The following SYT14 variants were observed in gnomAD, a reference collection of about 807,000 sequenced individuals.
SYT14 encodes the protein synaptotagmin 14.
SYT14 carries 32 observed loss-of-function variants against 74.2 expected under a neutral mutation model. That is an observed-to-expected ratio of 0.43 (90% CI 0.33 to 0.58). SYT14 has a LOEUF of 0.58. Ranked by LOEUF, SYT14 falls within the 20% of genes least tolerant of loss-of-function variation. SYT14 has a pLI of 0.05. For synonymous variants in SYT14, 298 were observed against 337.7 expected, an observed-to-expected ratio of 0.88 and a Z score of 1.29; for missense variants, 791 against 981.8, an observed-to-expected ratio of 0.81 and a Z score of 2.60.
chr1:210,021,918 C>G (rs544544279), intron 5 of SYT14, among the ~76,000 whole-genome samples: 24 of 152,156 alleles, frequency 1.6e-4, no homozygotes, highest in Non-Finnish European at 2.9e-4. Context: ...TGTCAGTCCA[C>G]TTATTCATGT....
rs1572391091 is a variant in SYT14, at chr1:210,155,602, G to T, written c.2035-119G>T. ...GACAATAATTCTAATCTGGTGTTTG[G>T]TTTGCAACTCATCTTTATTGTGATT... On this transcript the variant is annotated intron_variant, in intron 7 of 9. Coordinates refer to ENST00000637265, the Ensembl canonical transcript of SYT14. 22 of 1,075,350 alleles carry T rather than the reference G, an allele frequency of 2.0e-5. No individual in the cohort carries two copies. In the East Asian group the frequency reaches 5.7e-4, roughly 28 times the overall value. The allele number at this position is 1,075,350 out of a possible 1,614,324, so 66.6% of individuals were successfully genotyped here.
At chr1:210,068,806 A>C (rs971149341) in intron 5 of SYT14, among the ~76,000 whole-genome samples, 10 of 151,542 alleles carry the variant, frequency 6.6e-5, no homozygotes, top group African/African-American at 1.7e-4. Flanking sequence ...TAAAAATTTT[A>C]TTCTATCTAC....
At chr1:210,098,240 C>A (rs377551790) in intron 6 of SYT14, among the ~76,000 whole-genome samples, 1 of 151,992 alleles carries the variant, frequency 6.6e-6, no homozygotes, top group Non-Finnish European at 1.5e-5. Context: ...AGCACTCTCC[C>A]GACCTAAAAT....
Position 209,973,087 on chromosome 1 carries a change from T to C in SYT14, c.-486+20331T>C, listed in dbSNP as rs151237345. ...CTTGTTTAATTGGACACTTTATCAT[T>C]ATGTAATGCATTTCTCTGTCCTTTT... On this transcript the variant is annotated intron_variant, in intron 2 of 9. Transcript: ENST00000637265. Among the ~76,000 whole-genome samples, 3 of 152,332 alleles carry C rather than the reference T, an allele frequency of 2.0e-5. No individual in the cohort carries two copies. The East Asian group carries it at 5.8e-4, about 29-fold the overall frequency.
At chr1:210,096,988 G>A (rs956543050) in intron 6 of SYT14, among the ~76,000 whole-genome samples, 3 of 152,140 alleles carry the variant, frequency 2.0e-5, no homozygotes, top group African/African-American at 7.2e-5. Flanking sequence ...AGTTTTGTCT[G>A]TATTTCAGAA....
chr1:210,061,164 C>T (rs2081201237), intron 5 of SYT14, among the ~76,000 whole-genome samples: 1 of 151,756 alleles, frequency 6.6e-6, no homozygotes, highest in African/African-American at 2.4e-5. Context: ...CTTCATATTA[C>T]TACACCTTGA....
chr1:210,008,738 C>A (rs2080033417), intron 2 of SYT14, among the ~76,000 whole-genome samples: 1 of 152,002 alleles, frequency 6.6e-6, no homozygotes, highest in South Asian at 2.1e-4. Flanking sequence ...AGTGGGTGGC[C>A]TAGAATGCTT....
rs1232382752 is a variant in SYT14 at position 210,155,753 on chromosome 1, G to T, written c.2067G>T (p.Met689Ile). ...ACTCCCAAATGAGCGTGTCAGAAAT[G>T]TCGTGTAGTGAAAGTACATCCTCAT... Residue 689 changes from methionine (M) to isoleucine (I), a missense_variant, in exon 8 of 10, where the codon ATG becomes ATT. Transcript: ENST00000637265. 1.9e-6 allele frequency: 3 copies of T among 1,613,940 alleles called. No individual in the cohort carries two copies. The East Asian group carries it at 6.7e-5, about 36-fold the overall frequency.
intron 5 of SYT14, among the ~76,000 whole-genome samples, chr1:210,089,492 A>G (rs1184997316): frequency 1.3e-5 from 2 of 152,136 alleles, no homozygotes; most frequent in African/African-American, 4.8e-5. Context: ...TTACACTCCC[A>G]CCAACAGTGT....
chr1:209,967,002 T>A (rs2079167687), intron 2 of SYT14, among the ~76,000 whole-genome samples: 1 of 148,728 alleles, frequency 6.7e-6, no homozygotes, highest in Non-Finnish European at 1.5e-5. Context: ...AACTCCCTTT[T>A]TATTCCTAGT....
chr1:209,972,723 A>G (rs889254505), intron 2 of SYT14, among the ~76,000 whole-genome samples: 1 of 152,056 alleles, frequency 6.6e-6, no homozygotes. Flanking sequence ...GGTTGGAATG[A>G]TTTCAGTTTT....
chr1:210,100,611 T>C (rs1055229935), intron 7 of SYT14, 150 bp downstream of exon 6: 1 of 761,052 alleles, frequency 1.3e-6, no homozygotes, highest in South Asian at 1.8e-5. Context: ...AAGCCCTGGA[T>C]AGATAGATAT....
At chr1:210,120,548 G>A (rs552162203) in intron 7 of SYT14, among the ~76,000 whole-genome samples, 5 of 152,142 alleles carry the variant, frequency 3.3e-5, no homozygotes, top group Admixed American at 1.3e-4. Context: ...GTTGCCTACA[G>A]TGTTCAGTAC....
intron 2 of SYT14, among the ~76,000 whole-genome samples, chr1:209,970,692 TTTTTTTTTTG>T: frequency 1.5e-5 from 1 of 65,714 alleles, no homozygotes; most frequent in African/African-American, 7.2e-5. Flanking sequence ...TTTTTTTTTT[TTTTTTTTTTG>T]AGGCAGAGTC....
chr1:210,004,344 C>T (rs2079952736), intron 2 of SYT14, among the ~76,000 whole-genome samples: 1 of 151,976 alleles, frequency 6.6e-6, no homozygotes, highest in South Asian at 2.1e-4. Context: ...AATTAATGAA[C>T]ATATTCTCAA....
Position 210,016,330 on chromosome 1 carries a change from AG to A in SYT14, c.328del (p.Asp110IlefsTer34). The A allele has an allele frequency of 3.2e-6, 4 of 1,232,170 alleles. No individual in the cohort carries two copies. The highest frequency in any genetic ancestry group is 4.0e-6 in the Non-Finnish European group (4 of 987,950). 76.3% of individuals were successfully genotyped at this position (1,232,170 alleles called of 1,614,324 possible). On this transcript the variant is annotated frameshift_variant, in exon 4 of 10. Transcript: ENST00000637265. LOFTEE classifies it high-confidence loss of function. Reference sequence around the variant, plus strand: ...ATACTTGTAAAACTTCACTAAAGCAAGATCAAGGAATACATGAAGAAAGAGT... The same window carrying A: ...ATACTTGTAAAACTTCACTAAAGCAAATCAAGGAATACATGAAGAAAGAGT...
At chr1:210,083,139 C>T (rs911106406) in intron 5 of SYT14, among the ~76,000 whole-genome samples, 2 of 152,036 alleles carry the variant, frequency 1.3e-5, no homozygotes, top group Admixed American at 1.3e-4. Context: ...TGCCACCATG[C>T]CCAGCTAATT....
chr1:210,076,706 C>G (rs573120648), intron 5 of SYT14, among the ~76,000 whole-genome samples: 4 of 152,244 alleles, frequency 2.6e-5, no homozygotes, highest in African/African-American at 9.6e-5. Flanking sequence ...GGGGAGCCAG[C>G]GCTTCACATG....
chr1:210,119,808 C>T lies in SYT14; in HGVS notation c.2034+19347C>T, dbSNP rs558240638. On this transcript the variant is annotated intron_variant, in intron 7 of 9. Coordinates refer to ENST00000637265, the Ensembl canonical transcript of SYT14. ...ATGTTCTGGTAAAAAGGCTAATTCTCCATAGTACACATGTTAGAATTGAAA... is the reference window on the plus strand; with the variant it reads ...ATGTTCTGGTAAAAAGGCTAATTCTTCATAGTACACATGTTAGAATTGAAA... Among the ~76,000 whole-genome samples the T allele has an allele frequency of 2.0e-5, 3 of 152,254 alleles. No individual in the cohort carries two copies. The South Asian group carries it at 6.2e-4, about 32-fold the overall frequency.
Sources: gnomAD v4.1 joint callset for allele counts (sites outside exome capture counted in the v4.1 genomes callset) on GRCh38, gnomAD v4.1.1 for gene constraint, MANE v1.5 for transcripts, NCBI Gene and HGNC (gene_info 2026-07-23, HGNC 2026-07-21) for gene names.